The following SYTL2 variants were observed in gnomAD, a reference collection of about 807,000 sequenced individuals.
The protein encoded by SYTL2 is synaptotagmin like 2.
A neutral mutation model predicts 198.7 loss-of-function variants in SYTL2; 165 were observed. The ratio of observed to expected loss-of-function variants is 0.83; its 90% CI spans 0.73 to 0.94. The LOEUF is 0.94. SYTL2 is among the 40% of genes least tolerant of loss of function. SYTL2 has a pLI of 0.00. For synonymous variants in SYTL2, 966 were observed against 917.7 expected, an observed-to-expected ratio of 1.05 and a Z score of -0.95; for missense variants, 2,835 against 2,582.8, an observed-to-expected ratio of 1.10 and a Z score of -2.12.
At chr11:85,769,201 T>C (rs949805629) in intron 1 of SYTL2, among the ~76,000 whole-genome samples, 1 of 152,218 alleles carries the variant, frequency 6.6e-6, no homozygotes, top group Non-Finnish European at 1.5e-5. Context: ...CCTGAAGATA[T>C]GCTGCCTTAC....
At chr11:85,703,227 T>C (rs775544612) in intron 16 of SYTL2, among the ~76,000 whole-genome samples, 4 of 151,992 alleles carry the variant, frequency 2.6e-5, no homozygotes, top group Non-Finnish European at 4.4e-5. Flanking sequence ...TTTGAAGAAA[T>C]AGTTGCTGAG....
chr11:85,809,598 T>C (rs139439665), intron 1 of SYTL2, among the ~76,000 whole-genome samples: 17 of 152,324 alleles, frequency 1.1e-4, no homozygotes, highest in Non-Finnish European at 2.1e-4. Flanking sequence ...TGCTACTTCC[T>C]AGCTAAGTGA....
chr11:85,704,833 AACAAACAAAAAATTCCGG>A lies in SYTL2; in HGVS notation c.6189+7_6189+24del. On this transcript the variant is annotated splice_region_variant and intron_variant, in intron 16 of 19. Transcript: ENST00000359152. ...AGGTACCACATCAACCAACCAAATA[AACAAACAAAAAATTCCGG>A]ACTCACCTTCCGCTTCAGAGGGTAC... The A allele has an allele frequency of 6.2e-7, 1 of 1,606,588 alleles. No individual in the cohort carries two copies.
At chr11:85,756,700 T>C (rs1361693856) in intron 2 of SYTL2, among the ~76,000 whole-genome samples, 1 of 152,224 alleles carries the variant, frequency 6.6e-6, no homozygotes, top group Non-Finnish European at 1.5e-5. Context: ...GTTATTTTAG[T>C]AGTCATAATC....
At chr11:85,769,957 C>T (rs2092323228) in intron 1 of SYTL2, among the ~76,000 whole-genome samples, 1 of 152,156 alleles carries the variant, frequency 6.6e-6, no homozygotes, top group Non-Finnish European at 1.5e-5. Context: ...CACCTGGCAA[C>T]CATCATTTAA....
chr11:85,757,657 A>T lies in SYTL2; in HGVS notation c.69T>A (p.Ala23=). The change falls in exon 2 of 20, where the codon GCT becomes GCA. Residue 23 remains alanine, a synonymous_variant. Transcript: ENST00000359152. The part of the protein sequence containing the change: ...EAIMKVLQRD[A]ALKRAEEERV... Reference sequence around the variant, plus strand: ...TCTCTTCTTCGGCCCTCTTCAGAGCAGCATCCCGCTGCAAAACCTTCATGA... The same window carrying T: ...TCTCTTCTTCGGCCCTCTTCAGAGCTGCATCCCGCTGCAAAACCTTCATGA... The T allele has an allele frequency of 6.2e-7, 1 of 1,613,908 alleles. No individual in the cohort carries two copies. Among genetic ancestry groups the T allele is most frequent in the South Asian group, 1.1e-5 (1 of 91,086 alleles).
chr11:85,811,958 T>C (rs2093039400), upstream of SYTL2, among the ~76,000 whole-genome samples: 1 of 151,710 alleles, frequency 6.6e-6, no homozygotes, highest in Admixed American at 6.6e-5. Context: ...AAAAGAAAAA[T>C]TAGCTGGGTG....
At chr11:85,721,933 G>A (rs530587512) in intron 8 of SYTL2, among the ~76,000 whole-genome samples, 31 of 152,056 alleles carry the variant, frequency 2.0e-4, no homozygotes, top group Non-Finnish European at 2.6e-4. Context: ...AGCATACTGA[G>A]GTATTGCTTA....
chr11:85,791,503 TC>T (rs769899832), intron 1 of SYTL2, among the ~76,000 whole-genome samples: 3 of 152,194 alleles, frequency 2.0e-5, no homozygotes, highest in Non-Finnish European at 2.9e-5. Flanking sequence ...AGCCTCAGTA[TC>T]TCATCCATAT....
intron 1 of SYTL2, among the ~76,000 whole-genome samples, chr11:85,787,578 G>C (rs2092655365): frequency 6.6e-6 from 1 of 152,086 alleles, no homozygotes; most frequent in Non-Finnish European, 1.5e-5. Context: ...AAGGGCATTT[G>C]TGGGTAGCTG....
At chr11:85,820,333 C>T in the SYTL2 span, among the ~76,000 whole-genome samples, 1 of 152,126 alleles carries the variant, frequency 6.6e-6, no homozygotes, top group African/African-American at 2.4e-5. Context: ...CATTTAGAAA[C>T]ATTATTCTGA....
At chr11:85,712,352 A>G (rs2086450850) in intron 12 of SYTL2, among the ~76,000 whole-genome samples, 1 of 152,140 alleles carries the variant, frequency 6.6e-6, no homozygotes, top group Non-Finnish European at 1.5e-5. Flanking sequence ...ACTGCATTCT[A>G]CCTAGTATAT....
chr11:85,753,863 A>G (rs1227328403), intron 2 of SYTL2, among the ~76,000 whole-genome samples: 2 of 151,982 alleles, frequency 1.3e-5, no homozygotes, highest in Non-Finnish European at 2.9e-5. Context: ...AAGTCAAAGC[A>G]CTGGACATAT....
chr11:85,720,087 C>T (rs1473964983), intron 9 of SYTL2, among the ~76,000 whole-genome samples: 2 of 152,144 alleles, frequency 1.3e-5, no homozygotes, highest in African/African-American at 4.8e-5. Flanking sequence ...ATGTTTTCTG[C>T]TAGTACTCAA....
rs1210591526 is a variant in SYTL2, at chr11:85,734,192, CTGAA to C, written c.1133_1136del (p.Phe378Ter). The C allele has an allele frequency of 6.2e-7, 1 of 1,614,078 alleles. No homozygotes were observed. Among genetic ancestry groups the C allele is most frequent in the Non-Finnish European group, 8.5e-7 (1 of 1,180,012 alleles). ...TGTATTGAGAAGGCTTAGGGTCACT[CTGAA>C]ACTCTTCTGTGTCCCCTGCATCTTC... On this transcript the variant is annotated frameshift_variant, in exon 7 of 20. Coordinates refer to ENST00000359152, the MANE Select transcript of SYTL2 (RefSeq NM_206927.4). LOFTEE classifies it high-confidence loss of function.
At chr11:85,705,084 A>T in intron 15 of SYTL2, 56 bp from the exon 16 acceptor site, 1 of 1,400,304 alleles carries the variant, frequency 7.1e-7, no homozygotes, top group Non-Finnish European at 1.0e-6. Context: ...TGCCAAAGTT[A>T]TAACACAGAG....
intron 14 of SYTL2, among the ~76,000 whole-genome samples, chr11:85,708,981 G>A (rs1161421636): frequency 6.6e-6 from 1 of 150,710 alleles, no homozygotes; most frequent in African/African-American, 2.4e-5. Flanking sequence ...TGGGACTACA[G>A]GCGCCCGCCA....
At chr11:85,812,596 A>G (rs533184509), upstream of SYTL2, among the ~76,000 whole-genome samples, 9 of 152,368 alleles carry the variant, frequency 5.9e-5, no homozygotes, top group African/African-American at 2.2e-4. Flanking sequence ...GGGACAATAA[A>G]AAATACAAAT....
At chr11:85,787,880 C>T (rs2092663754) in intron 1 of SYTL2, among the ~76,000 whole-genome samples, 1 of 151,990 alleles carries the variant, frequency 6.6e-6, no homozygotes, top group Non-Finnish European at 1.5e-5. Context: ...GCTACTTGTA[C>T]TCAGGAAATA....
Sources: allele counts gnomAD v4.1 joint callset (sites outside exome capture counted in the v4.1 genomes callset), GRCh38; gene constraint gnomAD v4.1.1; transcripts MANE v1.5; gene names NCBI Gene and HGNC (gene_info 2026-07-23, HGNC 2026-07-21).